The following GALC variants were observed in gnomAD, a reference collection of about 807,000 sequenced individuals.
GALC encodes the protein galactosylceramidase, also known as galactocerebrosidase.
A neutral mutation model predicts 91.8 loss-of-function variants in GALC; 77 were observed. The ratio of observed to expected loss-of-function variants is 0.84; its 90% confidence interval spans 0.70 to 1.01. The LOEUF (loss-of-function observed/expected upper bound fraction) is 1.01, where lower values mean the gene tolerates loss of function less well. Ranked by LOEUF, GALC falls within the 50% of genes least tolerant of loss-of-function variation. The pLI is 0.00. For synonymous variants in GALC, 357 were observed against 306.7 expected, an observed-to-expected ratio of 1.16 and a Z score of -1.71; for missense variants, 882 against 855.9, an observed-to-expected ratio of 1.03 and a Z score of -0.38.
In GALC at chr14:87,953,873, C is replaced by T. The variant is rs1193124910; in HGVS notation, c.1162-3125G>A. 18 of 1,609,922 alleles carry T rather than the reference C, an allele frequency of 1.1e-5. 1 individual carries two copies. The highest frequency in any genetic ancestry group is 2.2e-5 in the East Asian group (1 of 44,802). On this transcript the variant is annotated intron_variant, in intron 10 of 16. Transcript: ENST00000261304. ...ATGTGAAGGAAATAAACATAAAATT[C>T]GGACCAAATTCTGGCTCTAAAGTGC...
rs374999191 is a variant in GALC at position 87,941,589 on chromosome 14, T to C, written c.1671-31A>G. 4.7e-5 allele frequency: 65 copies of C among 1,376,404 alleles called. No individual in the cohort carries two copies. The African/African-American group carries it at 7.9e-4, about 17-fold the overall frequency. The allele number at this position is 1,376,404 out of a possible 1,614,324, so 85.3% of individuals were successfully genotyped here. A position where few individuals can be genotyped will look rare whatever the true frequency, so the allele number is the denominator to read the frequency against. ...AAATAAAACGGTTGATTAGTACTCT[T>C]TAAAATATGCCCTTTGTAACATAGT... On this transcript the variant is annotated intron_variant, in intron 14 of 16. Transcript: ENST00000261304.
rs1242575503 is a variant in GALC at position 87,939,987 on chromosome 14, A to G, written c.1835-6T>C. The G allele has an allele frequency of 6.2e-7, 1 of 1,601,640 alleles. No individual in the cohort carries two copies. The highest frequency in any genetic ancestry group is 8.6e-7 in the Non-Finnish European group (1 of 1,169,540). On this transcript the variant is annotated splice_polypyrimidine_tract_variant and splice_region_variant and intron_variant, in intron 15 of 16. Transcript: ENST00000261304. Reference sequence around the variant, plus strand: ...AGCATATATAATCCATCCAGCTGTAACACAAAAATATTATCCCAATAGATA... The same window carrying G: ...AGCATATATAATCCATCCAGCTGTAGCACAAAAATATTATCCCAATAGATA...
chr14:87,952,487 C>T (rs144888353), intron 10 of GALC: 3 of 594,846 alleles, frequency 5.0e-6, no homozygotes, highest in African/African-American at 1.9e-5. Flanking sequence ...TAAACCACAA[C>T]CCTGCCTAAT....
rs1355886693 is a variant in GALC at position 87,986,572 on chromosome 14, G to T, written c.359C>A (p.Ala120Glu). 3 of 1,613,388 alleles carry T rather than the reference G, an allele frequency of 1.9e-6. No individual in the cohort carries two copies. The African/African-American group carries it at 4.0e-5, about 22-fold the overall frequency. ...TCCTCGGAAATAATTCTCATCTAGTGCATAATGCATGTGGGAGGGCTCAGT... is the reference window on the plus strand; with the variant it reads ...TCCTCGGAAATAATTCTCATCTAGTTCATAATGCATGTGGGAGGGCTCAGT... ...DGTEPSHMHYALDENYFRGYE... is the reference protein window; with the variant it reads ...DGTEPSHMHYELDENYFRGYE... The change falls in exon 4 of 17, where the codon GCA becomes GAA. Residue 120 changes from alanine to glutamate, a missense_variant. Ala to Glu is a moderately radical substitution (Grantham distance 107). Coordinates refer to ENST00000261304, the MANE Select transcript of GALC (RefSeq NM_000153.4).
chr14:87,976,473 G>A lies in GALC; in HGVS notation c.637C>T (p.Leu213=). ...ANYIKILRKM[L]NYQGLQRVKI... is the part of the protein sequence containing the mutation. Reference sequence around the variant, plus strand: ...ACTCGCTGGAGACCTTGATAATTCAGCATTTTTCTTAATATCTTTTGGAGT... The same window carrying A: ...ACTCGCTGGAGACCTTGATAATTCAACATTTTTCTTAATATCTTTTGGAGT... Residue 213 remains leucine (L), a synonymous_variant, in exon 7 of 17, where the codon CTG becomes TTG. Transcript: ENST00000261304. 4 of 1,612,434 alleles carry A rather than the reference G, an allele frequency of 2.5e-6. No homozygotes were observed. Among genetic ancestry groups the A allele is most frequent in the Non-Finnish European group, 3.4e-6 (4 of 1,178,588 alleles).
At chr14:87,985,826 T>C (rs1171465151) in intron 4 of GALC, among the ~76,000 whole-genome samples, 1 of 152,210 alleles carries the variant, frequency 6.6e-6, no homozygotes, top group Non-Finnish European at 1.5e-5. Flanking sequence ...CTCACAGAAC[T>C]GTGAAATGTA....
intron 14 of GALC, among the ~76,000 whole-genome samples, chr14:87,943,509 A>T (rs978390725): frequency 6.6e-6 from 1 of 152,018 alleles, no homozygotes; most frequent in Non-Finnish European, 1.5e-5. Flanking sequence ...TTTAGGAAGA[A>T]GATGATTAAA....
rs763585644 is a variant in GALC at position 87,934,798 on chromosome 14, A to T, written c.1992T>A (p.Ala664=). ...IPVNFPKNGW[A]AIGTHSFEFA... ...ATTCAAAGGAGTGAGTTCCAATTGC[A>T]GCCCAGCCATTCTTTGGAAAATTCA... Residue 664 remains alanine, a synonymous_variant, in exon 17 of 17, where the codon GCT becomes GCA. Coordinates refer to ENST00000261304, the MANE Select transcript of GALC (RefSeq NM_000153.4). 6.2e-7 allele frequency: 1 copy of T among 1,613,114 alleles called. No individual in the cohort carries two copies. The highest frequency in any genetic ancestry group is 8.5e-7 in the Non-Finnish European group (1 of 1,179,326).
intron 3 of GALC, 77 bp from the exon 4 acceptor site, chr14:87,986,679 AC>A (rs1177780453): frequency 3.3e-6 from 2 of 610,384 alleles, no homozygotes; most frequent in Non-Finnish European, 5.6e-6. Flanking sequence ...CCCCACCCCC[AC>A]CCCAGACACA....
At position 87,933,972 on chromosome 14, in the gene GALC, A is replaced by G. The variant is rs1884463874; in HGVS notation, c.*760T>C. 3.3e-6 allele frequency: 5 copies of G among 1,533,560 alleles called. No individual in the cohort carries two copies. In the East Asian group the frequency reaches 1.2e-4, roughly 37 times the overall value. The allele number at this position is 1,533,560 out of a possible 1,614,324, so 95.0% of individuals were successfully genotyped here. On this transcript the variant is annotated 3_prime_UTR_variant, in exon 17 of 17. Coordinates refer to ENST00000261304, the MANE Select transcript of GALC (RefSeq NM_000153.4). ...AAACGACTACAACAGCATTGGCTAT[A>G]TCAGGTTTTCTTCCTTCTTCCAGCC...
chr14:87,965,402 A>T, intron 9 of GALC, 103 bp downstream of exon 9: 1 of 1,286,328 alleles, frequency 7.8e-7, no homozygotes, highest in Non-Finnish European at 1.1e-6. Context: ...ATCTATACTT[A>T]AAACACGCAT....
At chr14:87,941,935 T>C (rs1884873087) in intron 14 of GALC, among the ~76,000 whole-genome samples, 1 of 151,524 alleles carries the variant, frequency 6.6e-6, no homozygotes, top group African/African-American at 2.4e-5. Context: ...TGAGGGAAAA[T>C]GTTTATTCAA....
Position 87,965,611 on chromosome 14 carries a change from T to G in GALC, c.927A>C (p.Leu309Phe), listed in dbSNP as rs758904079. 4 of 1,613,404 alleles carry G rather than the reference T, an allele frequency of 2.5e-6. No homozygotes were observed. Among genetic ancestry groups the G allele is most frequent in the Non-Finnish European group, 3.4e-6 (4 of 1,179,558 alleles). ...GYMTSTIAWN[L>F]VASYYEQLPY... ...GCAACTGTTCATAGTAACTAGCCAC[T>G]AAATTCCATGCGATTGTGCTAAAAG... The change falls in exon 9 of 17, where the codon TTA becomes TTC. Residue 309 changes from leucine (L) to phenylalanine (F), a missense_variant. Coordinates refer to ENST00000261304, the MANE Select transcript of GALC (RefSeq NM_000153.4).
At chr14:87,973,785 G>A (rs1886388908) in intron 7 of GALC, among the ~76,000 whole-genome samples, 1 of 152,148 alleles carries the variant, frequency 6.6e-6, no homozygotes, top group African/African-American at 2.4e-5. Flanking sequence ...GTGTACTAAA[G>A]GATGTTTAGA....
chr14:87,986,910 G>A, intron 3 of GALC: 1 of 431,040 alleles, frequency 2.3e-6, no homozygotes, highest in Non-Finnish European at 4.4e-6. Context: ...TCATGCTTCT[G>A]GGCTTTTGAT....
intron 14 of GALC, among the ~76,000 whole-genome samples, chr14:87,942,738 A>G (rs1299814510): frequency 1.3e-5 from 2 of 152,024 alleles, no homozygotes; most frequent in East Asian, 3.9e-4. Context: ...ACATAAAGGA[A>G]AATATTACAG....
Position 87,986,598 on chromosome 14 carries a change from G to A in GALC, c.333C>T (p.Gly111=), listed in dbSNP as rs777585393. The A allele has an allele frequency of 2.4e-5, 39 of 1,606,772 alleles. No homozygotes were observed. In the East Asian group the frequency reaches 8.7e-4, roughly 36 times the overall value. ...CATAATGCATGTGGGAGGGCTCAGT[G>A]CCGTCTGAATAGAGGAGAGCAAAAA... ...EIGGDGQTTD[G]TEPSHMHYAL... The change falls in exon 4 of 17, where the codon GGC becomes GGT. Residue 111 remains glycine, a synonymous_variant. Transcript: ENST00000261304.
Position 87,933,853 on chromosome 14 carries a change from A to C in GALC, c.*879T>G. The C allele has an allele frequency of 1.3e-6, 1 of 756,478 alleles. No individual in the cohort carries two copies. The allele number at this position is 756,478 out of a possible 1,614,324, so 46.9% of individuals were successfully genotyped here. On this transcript the variant is annotated 3_prime_UTR_variant, in exon 17 of 17. Coordinates refer to ENST00000261304, the MANE Select transcript of GALC (RefSeq NM_000153.4). ...AATGTCTAAGTGCTCCCCTCCTTCCACACATAAGGAGAGAAAAGCATTCAT... is the reference window on the plus strand; with the variant it reads ...AATGTCTAAGTGCTCCCCTCCTTCCCCACATAAGGAGAGAAAAGCATTCAT...
chr14:87,991,683 G>T (rs1887207699), intron 1 of GALC, among the ~76,000 whole-genome samples: 1 of 152,226 alleles, frequency 6.6e-6, no homozygotes, highest in South Asian at 2.1e-4. Flanking sequence ...GAGTTCCTAT[G>T]AGGAGTAATG....
Sources: allele counts gnomAD v4.1 joint callset (sites outside exome capture counted in the v4.1 genomes callset), GRCh38; gene constraint gnomAD v4.1.1; transcripts MANE v1.5; gene names NCBI Gene and HGNC (gene_info 2026-07-23, HGNC 2026-07-21).